PRKN: variants seen among roughly 807,000 people sequenced by gnomAD.
PRKN encodes the protein parkin RBR E3 ubiquitin protein ligase, also known as E3 ubiquitin-protein ligase parkin.
PRKN carries 56 observed loss-of-function variants against 59.5 expected under a neutral mutation model. The ratio of observed to expected loss-of-function variants is 0.94; its 90% CI spans 0.76 to 1.18. The LOEUF (loss-of-function observed/expected upper bound fraction) is 1.18, where lower values mean the gene tolerates loss of function less well. PRKN is among the 50% of genes most tolerant of loss of function. The probability of loss-of-function intolerance (pLI) is 0.00; values close to 1 mark genes in which losing one functional copy is unlikely to be tolerated. For missense variants in PRKN, 657 were observed against 596.4 expected, an observed-to-expected ratio of 1.10 and a Z score of -1.06; for synonymous variants, 250 against 222.1, an observed-to-expected ratio of 1.13 and a Z score of -1.12.
chr6:162,340,134 TAA>T (rs1162378141), intron 2 of PRKN, among the ~76,000 whole-genome samples: 3 of 101,636 alleles, frequency 3.0e-5, no homozygotes, highest in Admixed American at 1.8e-4. Flanking sequence ...GAATTATCAA[TAA>T]AAAAATAAAT....
intron 7 of PRKN, among the ~76,000 whole-genome samples, chr6:161,638,185 T>A (rs1783599248): frequency 6.6e-6 from 1 of 151,750 alleles, no homozygotes. Flanking sequence ...CAGGCTGGAG[T>A]GCAGTGGCAC....
intron 6 of PRKN, among the ~76,000 whole-genome samples, chr6:161,828,394 C>T (rs1047018819): frequency 6.6e-6 from 1 of 152,164 alleles, no homozygotes; most frequent in Non-Finnish European, 1.5e-5. Context: ...ATTACAAATA[C>T]GACTCTGTGG....
chr6:162,143,075 G>A (rs1163504374), intron 4 of PRKN, among the ~76,000 whole-genome samples: 2 of 152,122 alleles, frequency 1.3e-5, no homozygotes, highest in East Asian at 3.9e-4. Flanking sequence ...ATACATGTGA[G>A]AATTACTGAA....
At chr6:162,465,865 CAA>C (rs1024040217) in intron 1 of PRKN, among the ~76,000 whole-genome samples, 1 of 152,062 alleles carries the variant, frequency 6.6e-6, no homozygotes, top group Non-Finnish European at 1.5e-5. Flanking sequence ...AAGAATTTAA[CAA>C]AGTTATCTCA....
At chr6:162,012,987 G>A (rs1782794415) in intron 5 of PRKN, among the ~76,000 whole-genome samples, 2 of 152,058 alleles carry the variant, frequency 1.3e-5, no homozygotes, top group Admixed American at 6.6e-5. Flanking sequence ...TTTCTGGGGC[G>A]ACAAGGCTAT....
At position 162,456,114 on chromosome 6, in the gene PRKN, G is replaced by T. The variant is rs374504937; in HGVS notation, c.8-12641C>A. ...ACTAATAAATTTTTGTTACAATTTT[G>T]AAGACATTAAAAGAATGAAGTTGCT... On this transcript the variant is annotated intron_variant, in intron 1 of 11. Coordinates refer to ENST00000366898, the MANE Select transcript of PRKN (RefSeq NM_004562.3). Among the ~76,000 whole-genome samples the T allele has an allele frequency of 4.1e-4, 63 of 152,146 alleles. 3 individuals carry two copies. In the South Asian group the frequency reaches 0.013, roughly 31 times the overall value.
At chr6:161,648,220 A>G (rs1274841495) in intron 7 of PRKN, among the ~76,000 whole-genome samples, 1 of 152,202 alleles carries the variant, frequency 6.6e-6, no homozygotes, top group Non-Finnish European at 1.5e-5. Context: ...ACTCACACAG[A>G]TATGGATTGT....
At chr6:162,395,877 A>G (rs185075091) in intron 2 of PRKN, among the ~76,000 whole-genome samples, 147 of 152,280 alleles carry the variant, frequency 9.7e-4, no homozygotes, top group Non-Finnish European at 1.7e-3. Context: ...ATTTCTTCAA[A>G]CACAGCATTA....
chr6:161,952,616 C>A (rs1413012600), intron 6 of PRKN, among the ~76,000 whole-genome samples: 3 of 151,950 alleles, frequency 2.0e-5, no homozygotes, highest in Admixed American at 2.0e-4. Flanking sequence ...GACTCCATCT[C>A]AAAAAATAAA....
At chr6:162,498,678 A>G (rs529673808) in intron 1 of PRKN, among the ~76,000 whole-genome samples, 1 of 151,558 alleles carries the variant, frequency 6.6e-6, no homozygotes, top group Non-Finnish European at 1.5e-5. Context: ...AACAGTCCAT[A>G]AACTGCCGCC....
intron 4 of PRKN, among the ~76,000 whole-genome samples, chr6:162,197,693 A>G (rs1034830937): frequency 2.0e-5 from 3 of 152,198 alleles, no homozygotes; most frequent in Non-Finnish European, 4.4e-5. Flanking sequence ...TGAGAATTGG[A>G]GAAAAATAGA....
At chr6:161,983,744 TG>T (rs1488486064) in intron 5 of PRKN, among the ~76,000 whole-genome samples, 2 of 86,960 alleles carry the variant, frequency 2.3e-5, no homozygotes, top group East Asian at 3.0e-4. Context: ...TATCACACTC[TG>T]GGGACTGTGG....
rs551286304 is a variant in PRKN, at chr6:162,128,574, T to G, written c.534+72557A>C. Among the ~76,000 whole-genome samples, 287 of 152,330 alleles carry G rather than the reference T, an allele frequency of 1.9e-3. 2 individuals carry two copies. Among genetic ancestry groups the G allele is most frequent in the Admixed American group, 5.0e-3 (76 of 15,300 alleles). The stretch of plus-strand genomic sequence containing the variant: ...AGAGAAAGCAAGTCCACATTATCTT[T>G]TCAGTAGTGCATTTATACTACAAGT... On this transcript the variant is annotated intron_variant, in intron 4 of 11. Coordinates refer to ENST00000366898, the MANE Select transcript of PRKN (RefSeq NM_004562.3).
At position 162,235,094 on chromosome 6, in the gene PRKN, C is replaced by T. The variant is rs922797152; in HGVS notation, c.412+27431G>A. Among the ~76,000 whole-genome samples the T allele has an allele frequency of 7.9e-5, 12 of 152,242 alleles. 1 individual carries two copies. Among genetic ancestry groups the T allele is most frequent in the Admixed American group, 7.2e-4 (11 of 15,282 alleles). ...TGTTATTTTTCTTATACAAAGGAAA[C>T]TAGCTGAATGAGAGGCTTAAGGGAT... is the stretch of plus-strand genomic sequence containing the variant. On this transcript the variant is annotated intron_variant, in intron 3 of 11. Coordinates refer to ENST00000366898, the MANE Select transcript of PRKN (RefSeq NM_004562.3).
chr6:161,694,642 C>T (rs967737000), intron 7 of PRKN, among the ~76,000 whole-genome samples: 1 of 152,156 alleles, frequency 6.6e-6, no homozygotes, highest in African/African-American at 2.4e-5. Flanking sequence ...ACTGGATGCA[C>T]ATCTATCTAA....
chr6:162,622,740 C>A (rs901954077), intron 1 of PRKN, among the ~76,000 whole-genome samples: 2 of 152,176 alleles, frequency 1.3e-5, no homozygotes, highest in Admixed American at 1.3e-4. Context: ...CAAAAGGCTT[C>A]TTCCTGGAAT....
intron 2 of PRKN, among the ~76,000 whole-genome samples, chr6:162,353,539 G>A (rs574163998): frequency 2.6e-5 from 4 of 152,036 alleles, no homozygotes; most frequent in Admixed American, 6.6e-5. Flanking sequence ...ATTCACATAT[G>A]TATACTTAAT....
rs73783508 is a variant in PRKN, at chr6:162,412,309, A to G, written c.171+31001T>C. On this transcript the variant is annotated intron_variant, in intron 2 of 11. Transcript: ENST00000366898. Reference sequence around the variant, plus strand: ...GATGGCATATCTAGAGCAAGGCTCAATCTAGAAGGTGTCTGGACTGAGGAT... The same window carrying G: ...GATGGCATATCTAGAGCAAGGCTCAGTCTAGAAGGTGTCTGGACTGAGGAT... 4.7e-3 allele frequency among the ~76,000 whole-genome samples: 721 copies of G among 152,232 alleles called. 5 individuals carry two copies. Among genetic ancestry groups the G allele is most frequent in the African/African-American group, 0.017 (698 of 41,560 alleles).
intron 9 of PRKN, among the ~76,000 whole-genome samples, chr6:161,412,803 CA>C (rs1171994589): frequency 1.3e-5 from 2 of 151,102 alleles, no homozygotes; most frequent in Non-Finnish European, 2.9e-5. Flanking sequence ...CTCATTCCTT[CA>C]CTCACTCATT....
Sources: allele counts gnomAD v4.1 joint callset (sites outside exome capture counted in the v4.1 genomes callset), GRCh38; gene constraint gnomAD v4.1.1; transcripts MANE v1.5; gene names NCBI Gene and HGNC (gene_info 2026-07-23, HGNC 2026-07-21).